Variants in SPRED2 observed in about 807,000 individuals in gnomAD.
SPRED2 encodes the protein sprouty-related, EVH1 domain-containing protein 2.
SPRED2 carries 47 observed loss-of-function variants against 43.0 expected under a neutral mutation model. The observed-to-expected ratio is 1.09, with a 90% CI of 0.87 to 1.40. The LOEUF (loss-of-function observed/expected upper bound fraction) is 1.40, where lower values mean the gene tolerates loss of function less well. SPRED2 is among the 40% of genes most tolerant of loss of function. The pLI is 0.00. For synonymous variants in SPRED2, 225 were observed against 225.7 expected (o/e 1.00, Z 0.03); for missense variants, 561 against 586.4 (o/e 0.96, Z 0.45).
rs148353511 is a variant in SPRED2, at chr2:65,374,845, G to A, written c.27-29949C>T. On this transcript the variant is annotated intron_variant, in intron 1 of 5. Transcript: ENST00000356388. ...ATGGCTTACCTGCATTCTGCATAGGGGAGGCATGTGTGGAGAGCACCCAAC... is the reference window on the plus strand; with the variant it reads ...ATGGCTTACCTGCATTCTGCATAGGAGAGGCATGTGTGGAGAGCACCCAAC... 4.8e-3 allele frequency among the ~76,000 whole-genome samples: 736 copies of A among 152,350 alleles called. 3 individuals carry two copies. The highest frequency in any genetic ancestry group is 8.0e-3 in the Non-Finnish European group (543 of 68,032).
chr2:65,429,773 AG>A (rs79683405), intron 1 of SPRED2, among the ~76,000 whole-genome samples: 2,354 of 152,348 alleles, frequency 0.015, 31 homozygotes, highest in East Asian at 0.076. Context: ...TAAGGTGCCA[AG>A]GCTTTCTCAG....
chr2:65,375,079 C>T (rs1216804149), intron 1 of SPRED2, among the ~76,000 whole-genome samples: 2 of 152,228 alleles, frequency 1.3e-5, no homozygotes, highest in Admixed American at 6.5e-5. Context: ...AGCCTGAGAA[C>T]ATTTAGAGAG....
intron 1 of SPRED2, among the ~76,000 whole-genome samples, chr2:65,413,409 G>A (rs951218728): frequency 1.3e-5 from 2 of 152,172 alleles, no homozygotes; most frequent in South Asian, 2.1e-4. Context: ...GGGTTCCCAC[G>A]TTATGAAGAG....
Position 65,320,228 on chromosome 2 carries a change from G to A in SPRED2, c.439-3345C>T, listed in dbSNP as rs146755414. Among the ~76,000 whole-genome samples, 27 of 152,280 alleles carry A rather than the reference G, an allele frequency of 1.8e-4. No individual in the cohort carries two copies. The East Asian group carries it at 5.2e-3, about 29-fold the overall frequency. On this transcript the variant is annotated intron_variant, in intron 4 of 5. Transcript: ENST00000356388. Reference sequence around the variant, plus strand: ...AGAAGTTAGCCTTGTGTTGAACATTGTAATAAGCTCTCAGTACTTAGTTCT... The same window carrying A: ...AGAAGTTAGCCTTGTGTTGAACATTATAATAAGCTCTCAGTACTTAGTTCT...
intron 4 of SPRED2, among the ~76,000 whole-genome samples, chr2:65,327,453 T>C (rs1038373832): frequency 2.0e-5 from 3 of 152,216 alleles, no homozygotes; most frequent in African/African-American, 7.2e-5. Flanking sequence ...TTTAGATCCT[T>C]AGACATTTAA....
intron 1 of SPRED2, among the ~76,000 whole-genome samples, chr2:65,375,731 C>CACTTTTAA (rs1675223332): frequency 6.6e-6 from 1 of 152,218 alleles, no homozygotes; most frequent in Non-Finnish European, 1.5e-5. Context: ...TTTTTCAGAA[C>CACTTTTAA]ACTTTTAAAC....
intron 1 of SPRED2, among the ~76,000 whole-genome samples, chr2:65,424,439 G>A (rs1298603599): frequency 6.6e-6 from 1 of 152,072 alleles, no homozygotes; most frequent in Non-Finnish European, 1.5e-5. Flanking sequence ...TGTGCTCAGT[G>A]TTCTGCCAGG....
At chr2:65,431,851 G>T (rs1364909136) in intron 1 of SPRED2, 111 bp downstream of exon 1, 3 of 1,316,218 alleles carry the variant, frequency 2.3e-6, no homozygotes, top group Non-Finnish European at 3.2e-6. Flanking sequence ...TCAGCGAGTC[G>T]CTGCACCCCA....
At chr2:65,369,980 A>G (rs908977053) in intron 1 of SPRED2, among the ~76,000 whole-genome samples, 1 of 152,264 alleles carries the variant, frequency 6.6e-6, no homozygotes, top group Non-Finnish European at 1.5e-5. Context: ...GTAACTATAC[A>G]GCAAAACTTT....
Position 65,322,515 on chromosome 2 carries a change from A to C in SPRED2, c.439-5632T>G, listed in dbSNP as rs1302566498. On this transcript the variant is annotated intron_variant, in intron 4 of 5. Coordinates refer to ENST00000356388, the MANE Select transcript of SPRED2 (RefSeq NM_181784.3). ...TCACCTTGTTAGCCAGGATGGTCTC[A>C]ATCTCCTGACCTCGTTATCCACCTG... Among the ~76,000 whole-genome samples, 4 of 151,780 alleles carry C rather than the reference A, an allele frequency of 2.6e-5. No homozygotes were observed. In the East Asian group the frequency reaches 7.8e-4, roughly 29 times the overall value.
chr2:65,318,670 A>C (rs992362218), intron 4 of SPRED2, among the ~76,000 whole-genome samples: 1 of 151,736 alleles, frequency 6.6e-6, no homozygotes, highest in Non-Finnish European at 1.5e-5. Flanking sequence ...ATATTTTTAA[A>C]TGTATTTATT....
chr2:65,373,900 G>T (rs1428491998), intron 1 of SPRED2: 2 of 152,184 alleles, frequency 1.3e-5, no homozygotes, highest in African/African-American at 4.8e-5. Context: ...CTTCTGTGAT[G>T]TGTATTTTTT....
intron 1 of SPRED2, among the ~76,000 whole-genome samples, chr2:65,378,710 C>T (rs1489569645): frequency 2.6e-5 from 4 of 152,176 alleles, no homozygotes; most frequent in South Asian, 2.1e-4. Flanking sequence ...TAACTGCACT[C>T]GATTTTTCAT....
downstream of SPRED2, among the ~76,000 whole-genome samples, chr2:65,309,505 C>CAA (rs35507211): frequency 0.15 from 8,737 of 59,534 alleles, 766 homozygotes; most frequent in Non-Finnish European, 0.2. Flanking sequence ...GACCCTGTCT[C>CAA]AAAAAAAAAA....
chr2:65,404,708 C>G (rs1675982260), intron 1 of SPRED2, among the ~76,000 whole-genome samples: 1 of 152,182 alleles, frequency 6.6e-6, no homozygotes, highest in South Asian at 2.1e-4. Flanking sequence ...CTTTGGGACA[C>G]AAGATCAAAG....
At chr2:65,420,950 C>T (rs1238257839) in intron 1 of SPRED2, among the ~76,000 whole-genome samples, 1 of 152,224 alleles carries the variant, frequency 6.6e-6, no homozygotes, top group Non-Finnish European at 1.5e-5. Context: ...CTTCCTCTTT[C>T]TCTGACCTTC....
rs569008619 is a variant in SPRED2 at position 65,395,753 on chromosome 2, A to G, written c.26+36209T>C. On this transcript the variant is annotated intron_variant, in intron 1 of 5. Coordinates refer to ENST00000356388, the MANE Select transcript of SPRED2 (RefSeq NM_181784.3). ...GGGCACCTGGGATAGTGTCCAGCAC[A>G]CAGTAATGAACTCAAATATCAAATA... Among the ~76,000 whole-genome samples the G allele has an allele frequency of 2.0e-5, 3 of 152,266 alleles. No homozygotes were observed. The South Asian group carries it at 6.2e-4, about 32-fold the overall frequency.
At chr2:65,430,300 G>A in intron 1 of SPRED2, among the ~76,000 whole-genome samples, 1 of 152,104 alleles carries the variant, frequency 6.6e-6, no homozygotes, top group East Asian at 1.9e-4. Flanking sequence ...GATGCGGTGG[G>A]ACGTCTGCGA....
intron 1 of SPRED2, among the ~76,000 whole-genome samples, chr2:65,383,265 T>C (rs1219142872): frequency 6.6e-6 from 1 of 152,206 alleles, no homozygotes; most frequent in Non-Finnish European, 1.5e-5. Context: ...AACAGAGCTT[T>C]TCCCTCTTGC....
Sources: gnomAD v4.1 joint callset for allele counts (sites outside exome capture counted in the v4.1 genomes callset) on GRCh38, gnomAD v4.1.1 for gene constraint, MANE v1.5 for transcripts, NCBI Gene and HGNC (gene_info 2026-07-23, HGNC 2026-07-21) for gene names.